NTNG1: variants seen among roughly 807,000 people sequenced by gnomAD.
The protein encoded by NTNG1 is netrin G1.
A neutral mutation model predicts 54.0 loss-of-function variants in NTNG1; 16 were observed. The ratio of observed to expected loss-of-function variants is 0.30; its 90% confidence interval spans 0.20 to 0.45. The LOEUF (loss-of-function observed/expected upper bound fraction) is 0.45, where lower values mean the gene tolerates loss of function less well. NTNG1 is among the 20% of genes least tolerant of loss of function. The pLI is 1.00. For synonymous variants in NTNG1, 255 were observed against 263.1 expected, an observed-to-expected ratio of 0.97 and a Z score of 0.30; for missense variants, 530 against 678.7, an observed-to-expected ratio of 0.78 and a Z score of 2.43.
At chr1:107,192,650 A>G (rs899088128) in intron 2 of NTNG1, among the ~76,000 whole-genome samples, 1 of 151,926 alleles carries the variant, frequency 6.6e-6, no homozygotes, top group Non-Finnish European at 1.5e-5. Context: ...GCCTATCTTG[A>G]TTTTTTGTAT....
At chr1:107,352,839 C>G (rs1166424494) in intron 3 of NTNG1, among the ~76,000 whole-genome samples, 2 of 152,210 alleles carry the variant, frequency 1.3e-5, no homozygotes, top group African/African-American at 4.8e-5. Context: ...TGGAAACCAC[C>G]AAGGCTTATG....
At chr1:107,245,100 A>G (rs546214621) in intron 2 of NTNG1, among the ~76,000 whole-genome samples, 2 of 152,334 alleles carry the variant, frequency 1.3e-5, no homozygotes, top group African/African-American at 2.4e-5. Context: ...TCACATCTAT[A>G]GAGCTCAATA....
upstream of NTNG1, among the ~76,000 whole-genome samples, chr1:107,140,571 G>A (rs1653577566): frequency 6.6e-6 from 1 of 152,102 alleles, no homozygotes; most frequent in African/African-American, 2.4e-5. Flanking sequence ...AATGCGCGAA[G>A]GAAACCCGGG....
At chr1:107,140,316 T>C (rs1653556748), upstream of NTNG1, 1 of 152,824 alleles carries the variant, frequency 6.5e-6, no homozygotes, top group Non-Finnish European at 1.5e-5. Context: ...GCTTGCTTCT[T>C]TGCCGCTCCT....
At position 107,383,232 on chromosome 1, in the gene NTNG1, G is replaced by C. The variant is rs369686898; in HGVS notation, c.888-11922G>C. 3.3e-5 allele frequency among the ~76,000 whole-genome samples: 5 copies of C among 152,286 alleles called. No homozygotes were observed. In the South Asian group the frequency reaches 1.0e-3, roughly 32 times the overall value. On this transcript the variant is annotated intron_variant, in intron 3 of 7. Transcript: ENST00000370068. ...TACCTGATAATCTAGCCTGATAGAAGAGGGCTATGGAGTCAGATGGCTCAC... is the reference window on the plus strand; with the variant it reads ...TACCTGATAATCTAGCCTGATAGAACAGGGCTATGGAGTCAGATGGCTCAC...
chr1:107,212,172 G>A (rs996638698), intron 2 of NTNG1, among the ~76,000 whole-genome samples: 1 of 152,046 alleles, frequency 6.6e-6, no homozygotes, highest in Non-Finnish European at 1.5e-5. Context: ...AGCCCCATTT[G>A]CTCTCTGTTG....
intron 3 of NTNG1, among the ~76,000 whole-genome samples, chr1:107,342,694 T>C (rs913324349): frequency 1.3e-5 from 2 of 152,102 alleles, no homozygotes; most frequent in Non-Finnish European, 2.9e-5. Flanking sequence ...CCCTGGCCTT[T>C]TAAATTCTCC....
chr1:107,321,529 T>TA (rs1465059176), intron 2 of NTNG1, among the ~76,000 whole-genome samples: 1 of 151,918 alleles, frequency 6.6e-6, no homozygotes, highest in Non-Finnish European at 1.5e-5. Flanking sequence ...CCTCCTCATG[T>TA]TTACAATATC....
At chr1:107,480,570 C>CA in intron 7 of NTNG1, 41 bp from the exon 8 acceptor site, 1 of 533,684 alleles carries the variant, frequency 1.9e-6, no homozygotes, top group Non-Finnish European at 3.6e-6. Context: ...TGCTTCTCCT[C>CA]CCCGCGCCCA....
At chr1:107,351,913 A>G (rs900796908) in intron 3 of NTNG1, among the ~76,000 whole-genome samples, 1 of 152,276 alleles carries the variant, frequency 6.6e-6, no homozygotes, top group Admixed American at 6.5e-5. Context: ...ACCAGCCAAA[A>G]GAAAGGGGCT....
chr1:107,426,901 C>T (rs936535551), intron 5 of NTNG1, among the ~76,000 whole-genome samples: 2 of 151,886 alleles, frequency 1.3e-5, no homozygotes, highest in East Asian at 1.9e-4. Context: ...TTCATCTCTT[C>T]TGTTAGCTGT....
chr1:107,200,267 G>A (rs1455036646), intron 2 of NTNG1, among the ~76,000 whole-genome samples: 1 of 151,806 alleles, frequency 6.6e-6, no homozygotes, highest in Non-Finnish European at 1.5e-5. Context: ...GTACAAGAGT[G>A]GCAAAGATAA....
chr1:107,420,988 A>C (rs1674536661), intron 5 of NTNG1: 2 of 798,248 alleles, frequency 2.5e-6, no homozygotes, highest in Middle Eastern at 2.8e-4. Context: ...CTCTTAATTT[A>C]GGGCTACTTT....
chr1:107,438,397 C>T (rs1675744137), intron 7 of NTNG1, among the ~76,000 whole-genome samples: 1 of 152,108 alleles, frequency 6.6e-6, no homozygotes, highest in African/African-American at 2.4e-5. Context: ...TGTTGTTTTC[C>T]AGAAAGTGCT....
intron 2 of NTNG1, among the ~76,000 whole-genome samples, chr1:107,209,141 A>C (rs1267860548): frequency 6.6e-6 from 1 of 151,780 alleles, no homozygotes; most frequent in Admixed American, 6.6e-5. Context: ...GTTTAACTGC[A>C]AATACCCCAT....
At chr1:107,351,112 T>G (rs1158452296) in intron 3 of NTNG1, among the ~76,000 whole-genome samples, 1 of 152,204 alleles carries the variant, frequency 6.6e-6, no homozygotes, top group Admixed American at 6.5e-5. Flanking sequence ...ATATACACAA[T>G]TTTTGTCTGT....
At chr1:107,318,631 G>A (rs72985550) in intron 2 of NTNG1, among the ~76,000 whole-genome samples, 9,861 of 152,172 alleles carry the variant, frequency 0.065, 471 homozygotes, top group African/African-American at 0.13. Flanking sequence ...AGTTAAGAGG[G>A]AAGAGGCATT....
Position 107,185,656 on chromosome 1 carries a change from C to T in NTNG1, c.246+36817C>T, listed in dbSNP as rs1307545090. ...GAACAAGGTGGAAATCACATTGTCT[C>T]TTTAGCCTTGAAAGTTACGTAGCAT... On this transcript the variant is annotated intron_variant, in intron 2 of 7. Coordinates refer to ENST00000370068, the MANE Select transcript of NTNG1 (RefSeq NM_001113226.3). Among the ~76,000 whole-genome samples the T allele has an allele frequency of 3.3e-5, 5 of 152,146 alleles. 1 individual carries two copies. In the East Asian group the frequency reaches 9.6e-4, roughly 29 times the overall value.
chr1:107,365,441 C>A (rs74853117), intron 3 of NTNG1, among the ~76,000 whole-genome samples: 2,053 of 152,162 alleles, frequency 0.013, 23 homozygotes, highest in Middle Eastern at 0.048. Context: ...CAACTGGATT[C>A]CAGCCCCATT....
Sources: allele counts gnomAD v4.1 joint callset (sites outside exome capture counted in the v4.1 genomes callset), GRCh38; gene constraint gnomAD v4.1.1; transcripts MANE v1.5; gene names NCBI Gene and HGNC (gene_info 2026-07-23, HGNC 2026-07-21).